The following PRDM5 variants were observed in gnomAD, a reference collection of about 807,000 sequenced individuals.
PRDM5 encodes the protein PR domain zinc finger protein 5.
PRDM5 carries 56 observed loss-of-function variants against 81.2 expected under a neutral mutation model. That is an observed-to-expected ratio of 0.69 (90% confidence interval 0.56 to 0.86). The LOEUF is 0.86. PRDM5 is among the 40% of genes least tolerant of loss of function. The pLI is 0.00. For missense variants in PRDM5, 697 were observed against 770.1 expected, an observed-to-expected ratio of 0.91 and a Z score of 1.12; for synonymous variants, 267 against 256.4, an observed-to-expected ratio of 1.04 and a Z score of -0.39.
intron 2 of PRDM5, among the ~76,000 whole-genome samples, chr4:120,890,122 G>T (rs975078452): frequency 1.3e-5 from 2 of 152,114 alleles, no homozygotes; most frequent in East Asian, 3.8e-4. Context: ...GATTTAATTG[G>T]CTCATGGTTC....
At chr4:120,784,059 A>G (rs1561218971) in intron 11 of PRDM5, among the ~76,000 whole-genome samples, 1 of 152,198 alleles carries the variant, frequency 6.6e-6, no homozygotes, top group Non-Finnish European at 1.5e-5. Flanking sequence ...AAAAGTAAGA[A>G]GTGTAAATAT....
At chr4:120,858,523 A>G (rs936476411) in intron 2 of PRDM5, among the ~76,000 whole-genome samples, 5 of 151,996 alleles carry the variant, frequency 3.3e-5, no homozygotes, top group Non-Finnish European at 5.9e-5. Flanking sequence ...TGATTGTTCA[A>G]AGGATTCTCT....
At chr4:120,849,312 G>A (rs1174334460) in intron 3 of PRDM5, among the ~76,000 whole-genome samples, 1 of 152,098 alleles carries the variant, frequency 6.6e-6, no homozygotes, top group Non-Finnish European at 1.5e-5. Flanking sequence ...GAAGACCCCA[G>A]GATAAATTGT....
At chr4:120,766,228 G>A (rs897040972) in intron 13 of PRDM5, among the ~76,000 whole-genome samples, 1 of 152,112 alleles carries the variant, frequency 6.6e-6, no homozygotes, top group Non-Finnish European at 1.5e-5. Context: ...CAAAGTGCTG[G>A]GATTACAGGC....
At chr4:120,719,038 T>C (rs956490011) in intron 14 of PRDM5, among the ~76,000 whole-genome samples, 12 of 152,212 alleles carry the variant, frequency 7.9e-5, no homozygotes, top group African/African-American at 2.4e-4. Flanking sequence ...TGCCAAACTT[T>C]CCTTAGACAA....
chr4:120,812,971 C>A (rs2149328256), intron 7 of PRDM5: 1 of 161,220 alleles, frequency 6.2e-6, no homozygotes, highest in South Asian at 1.6e-4. Flanking sequence ...TTTATTTAAT[C>A]AGCTGGGTTT....
chr4:120,793,316 C>T (rs1750855819), intron 10 of PRDM5, among the ~76,000 whole-genome samples: 1 of 152,122 alleles, frequency 6.6e-6, no homozygotes, highest in South Asian at 2.1e-4. Context: ...CTCTCATCAC[C>T]CCTAGATGGG....
At chr4:120,726,243 A>G (rs1272304285) in intron 14 of PRDM5, among the ~76,000 whole-genome samples, 2 of 152,264 alleles carry the variant, frequency 1.3e-5, no homozygotes, top group Non-Finnish European at 2.9e-5. Context: ...TGTCTAGGTT[A>G]CTAAGAAATC....
At chr4:120,909,646 A>G (rs1348729527) in intron 1 of PRDM5, among the ~76,000 whole-genome samples, 2 of 150,104 alleles carry the variant, frequency 1.3e-5, no homozygotes, top group East Asian at 2.0e-4. Flanking sequence ...GAATCTATCA[A>G]TTCAGCAGTG....
At position 120,841,639 on chromosome 4, in the gene PRDM5, C is replaced by A. The variant is rs116282750; in HGVS notation, c.300+11779G>T. On this transcript the variant is annotated intron_variant, in intron 3 of 15. Coordinates refer to ENST00000264808, the MANE Select transcript of PRDM5 (RefSeq NM_018699.4). Reference sequence around the variant, plus strand: ...TTCTTTATGTTCATACACCAAAAATCTTGCCTGGCAACAAGTAGTATATGT... The same window carrying A: ...TTCTTTATGTTCATACACCAAAAATATTGCCTGGCAACAAGTAGTATATGT... Among the ~76,000 whole-genome samples, 389 of 152,242 alleles carry A rather than the reference C, an allele frequency of 2.6e-3. 1 individual carries two copies. Among genetic ancestry groups the A allele is most frequent in the African/African-American group, 9.0e-3 (373 of 41,544 alleles).
At chr4:120,823,593 C>T (rs1755577231) in intron 3 of PRDM5, among the ~76,000 whole-genome samples, 1 of 152,204 alleles carries the variant, frequency 6.6e-6, no homozygotes, top group South Asian at 2.1e-4. Flanking sequence ...CACTTCCTTG[C>T]ATACACTGCA....
intron 2 of PRDM5, among the ~76,000 whole-genome samples, chr4:120,870,049 G>A (rs1259631036): frequency 6.6e-6 from 1 of 152,014 alleles, no homozygotes; most frequent in Non-Finnish European, 1.5e-5. Flanking sequence ...GGACATAGGA[G>A]GAAGAAGCAG....
intron 2 of PRDM5, among the ~76,000 whole-genome samples, chr4:120,854,438 G>A (rs143022253): frequency 9.9e-5 from 15 of 152,092 alleles, no homozygotes; most frequent in African/African-American, 3.1e-4. Flanking sequence ...CAAGTAACAC[G>A]AACATACAGG....
intron 1 of PRDM5, among the ~76,000 whole-genome samples, chr4:120,916,977 A>T (rs978255780): frequency 7.2e-5 from 11 of 152,224 alleles, no homozygotes; most frequent in African/African-American, 2.7e-4. Context: ...TCTCAACAGA[A>T]CAGCCAGAGT....
chr4:120,697,182 C>T (rs1734622027), intron 15 of PRDM5, among the ~76,000 whole-genome samples: 1 of 151,976 alleles, frequency 6.6e-6, no homozygotes, highest in African/African-American at 2.4e-5. Context: ...AATACATTTA[C>T]AAAAAATAAC....
At chr4:120,705,717 A>G (rs907975782) in intron 15 of PRDM5, among the ~76,000 whole-genome samples, 43 of 152,204 alleles carry the variant, frequency 2.8e-4, no homozygotes, top group Non-Finnish European at 3.7e-4. Context: ...AATGAATACT[A>G]TATTCATTTT....
At chr4:120,827,058 T>C (rs1378782336) in intron 3 of PRDM5, among the ~76,000 whole-genome samples, 2 of 152,172 alleles carry the variant, frequency 1.3e-5, no homozygotes, top group Non-Finnish European at 2.9e-5. Context: ...ATCTACAAAG[T>C]GAGTCATTCA....
Position 120,735,579 on chromosome 4 carries a change from G to T in PRDM5, c.1623+18974C>A, listed in dbSNP as rs114820029. ...AAAATGCTGAGATTTCTCCTGCCAG[G>T]TCTGGAGGCTGGATGGGAGATACAG... On this transcript the variant is annotated intron_variant, in intron 14 of 15. Coordinates refer to ENST00000264808, the MANE Select transcript of PRDM5 (RefSeq NM_018699.4). Among the ~76,000 whole-genome samples, 1,420 of 152,222 alleles carry T rather than the reference G, an allele frequency of 9.3e-3. 24 individuals are homozygous for T. Among genetic ancestry groups the T allele is most frequent in the African/African-American group, 0.032 (1,324 of 41,534 alleles).
intron 8 of PRDM5, among the ~76,000 whole-genome samples, chr4:120,806,506 G>C (rs10258519): frequency 6.6e-6 from 1 of 152,142 alleles, no homozygotes; most frequent in African/African-American, 2.4e-5. Flanking sequence ...CAGATCTATA[G>C]ACCAATGGAA....
Sources: allele counts gnomAD v4.1 joint callset (sites outside exome capture counted in the v4.1 genomes callset), GRCh38; gene constraint gnomAD v4.1.1; transcripts MANE v1.5; gene names NCBI Gene and HGNC (gene_info 2026-07-23, HGNC 2026-07-21).